The following SCFD1 variants were observed in gnomAD, a reference collection of about 807,000 sequenced individuals.
The protein encoded by SCFD1 is sec1 family domain-containing protein 1.
SCFD1 carries 37 observed loss-of-function variants against 103.2 expected under a neutral mutation model. The observed-to-expected ratio is 0.36, with a 90% confidence interval of 0.28 to 0.47. SCFD1 has a LOEUF of 0.47. Among genes scored for constraint, SCFD1 ranks in the 20% least tolerant of loss-of-function variants. The pLI is 1.00. For missense variants in SCFD1, 639 were observed against 761.2 expected (o/e 0.84, Z 1.89); for synonymous variants, 264 against 245.0 (o/e 1.08, Z -0.73).
chr14:30,643,215 T>C (rs1329153205), intron 6 of SCFD1, 101 bp from the exon 7 acceptor site: 2 of 846,650 alleles, frequency 2.4e-6, no homozygotes, highest in African/African-American at 3.5e-5. Context: ...TGCTGAGTTT[T>C]ATTATATGTC....
chr14:30,669,921 G>GA (rs1276087427), intron 10 of SCFD1: 4 of 180,384 alleles, frequency 2.2e-5, no homozygotes, highest in Non-Finnish European at 4.5e-5. Context: ...ATTATTAGAT[G>GA]AAAAAAGATA....
chr14:30,691,082 G>A (rs1021127392), intron 14 of SCFD1, among the ~76,000 whole-genome samples: 4 of 152,138 alleles, frequency 2.6e-5, no homozygotes, highest in African/African-American at 7.2e-5. Context: ...CCATAAAATC[G>A]TTCTTGAGGG....
At chr14:30,674,183 A>G (rs900708164) in intron 13 of SCFD1, among the ~76,000 whole-genome samples, 186 bp downstream of exon 13, 1 of 152,210 alleles carries the variant, frequency 6.6e-6, no homozygotes, top group African/African-American at 2.4e-5. Context: ...CCTCTTAGAT[A>G]TAGGAGATTA....
intron 14 of SCFD1, among the ~76,000 whole-genome samples, chr14:30,677,987 G>A (rs947344082): frequency 3.3e-5 from 5 of 151,320 alleles, no homozygotes; most frequent in African/African-American, 7.3e-5. Context: ...CTACAGGCAC[G>A]GACCACCATG....
At chr14:30,734,142 G>A (rs1893670475) in intron 23 of SCFD1, among the ~76,000 whole-genome samples, 1 of 152,130 alleles carries the variant, frequency 6.6e-6, no homozygotes, top group African/African-American at 2.4e-5. Flanking sequence ...GTCCTTTGAT[G>A]AATCCTCAAA....
chr14:30,643,551 A>G (rs886960510), intron 7 of SCFD1, 146 bp downstream of exon 7: 2 of 610,276 alleles, frequency 3.3e-6, no homozygotes, highest in Admixed American at 6.1e-5. Context: ...TCAATAGTAT[A>G]TAAAAACAAT....
intron 5 of SCFD1, 40 bp from the exon 6 acceptor site, chr14:30,639,737 A>C: frequency 6.6e-7 from 1 of 1,521,082 alleles, no homozygotes; most frequent in Non-Finnish European, 8.8e-7. Flanking sequence ...ATATGGCTAT[A>C]TTGTAAGATT....
rs375686488 is a variant in SCFD1, at chr14:30,705,839, G to A, written c.1507G>A (p.Ala503Thr). Residue 503 changes from alanine (A) to threonine (T), a missense_variant, in exon 18 of 25, where the codon GCC (alanine) becomes ACC (threonine). By Grantham distance (58) the Ala-to-Thr change is moderately conservative (BLOSUM62 0). Coordinates refer to ENST00000458591, the MANE Select transcript of SCFD1 (RefSeq NM_016106.4). ...IKQWKAFTKM[A>T]SAPASYGSTT... is the part of the protein sequence containing the mutation. ...CTTTCATAGGGCTTTTACCAAGATG[G>A]CCTCAGCTCCGGCCAGCTATGGCAG... The A allele has an allele frequency of 1.2e-6, 2 of 1,613,476 alleles. No homozygotes were observed. The highest frequency in any genetic ancestry group is 1.7e-6 in the Non-Finnish European group (2 of 1,179,608).
chr14:30,724,330 G>A (rs995360975), intron 23 of SCFD1, among the ~76,000 whole-genome samples: 6 of 134,020 alleles, frequency 4.5e-5, no homozygotes, highest in African/African-American at 1.7e-4. Flanking sequence ...TCGGCTCACA[G>A]CGACGTCTGC....
chr14:30,664,940 A>G (rs1230009278), intron 10 of SCFD1, among the ~76,000 whole-genome samples: 2 of 152,212 alleles, frequency 1.3e-5, no homozygotes, highest in East Asian at 1.9e-4. Flanking sequence ...TGAAAGTGAC[A>G]GGGAGAATGG....
At chr14:30,626,438 G>T (rs911830956) in intron 1 of SCFD1, among the ~76,000 whole-genome samples, 3 of 152,234 alleles carry the variant, frequency 2.0e-5, no homozygotes, top group African/African-American at 7.2e-5. Flanking sequence ...TTCCTTGTCT[G>T]TGAGGAACAT....
rs779312305 is a variant in SCFD1 at position 30,734,785 on chromosome 14, T to TA, written c.1837-4dup. ...GTATCTAAGTTCTGACTCTGATTTTTACAGGGGAAACAAGGCAAACACATT... is the reference window on the plus strand; with the variant it reads ...GTATCTAAGTTCTGACTCTGATTTTTAACAGGGGAAACAAGGCAAACACATT... On this transcript the variant is annotated splice_region_variant and splice_polypyrimidine_tract_variant and intron_variant, in intron 23 of 24. Transcript: ENST00000458591. The TA allele has an allele frequency of 1.1e-5, 18 of 1,610,790 alleles. No homozygotes were observed. In the South Asian group the frequency reaches 1.6e-4, roughly 15 times the overall value.
chr14:30,636,841 A>C (rs967692213), intron 4 of SCFD1, among the ~76,000 whole-genome samples: 23 of 152,050 alleles, frequency 1.5e-4, no homozygotes, highest in African/African-American at 5.6e-4. Flanking sequence ...CAATTGTATA[A>C]AAATTCAATT....
At chr14:30,732,368 T>C (rs1451006866) in intron 23 of SCFD1, among the ~76,000 whole-genome samples, 1 of 152,236 alleles carries the variant, frequency 6.6e-6, no homozygotes, top group Non-Finnish European at 1.5e-5. Flanking sequence ...TTTCTCATCA[T>C]ACGGGCAAAG....
In SCFD1 at chr14:30,673,343, T is replaced by G; in HGVS notation, c.1082T>G (p.Ile361Ser). The G allele has an allele frequency of 6.6e-7, 1 of 1,504,794 alleles. No individual in the cohort carries two copies. The highest frequency in any genetic ancestry group is 9.2e-7 in the Non-Finnish European group (1 of 1,088,386). The allele number at this position is 1,504,794 out of a possible 1,614,324, so 93.2% of individuals were successfully genotyped here. ...GATGAGGTCAAACGACTTAAAAGCA[T>G]TATGGTAAGATTCTATTTGCTTTCT... ...QEDEVKRLKSIMGLEGEDEGA... is the reference protein window; with the variant it reads ...QEDEVKRLKSSMGLEGEDEGA... Residue 361 changes from isoleucine to serine, a missense_variant, in exon 12 of 25, where the codon ATT becomes AGT. Ile to Ser is a moderately radical substitution (Grantham distance 142). Coordinates refer to ENST00000458591, the MANE Select transcript of SCFD1 (RefSeq NM_016106.4).
intron 23 of SCFD1, among the ~76,000 whole-genome samples, chr14:30,726,652 T>C (rs1422484235): frequency 2.6e-5 from 4 of 152,208 alleles, no homozygotes; most frequent in African/African-American, 9.6e-5. Flanking sequence ...ACCTTGGCTT[T>C]TAATTGAGGA....
At chr14:30,643,472 A>G (rs1885494225) in intron 7 of SCFD1, 67 bp downstream of exon 7, 3 of 1,087,690 alleles carry the variant, frequency 2.8e-6, no homozygotes, top group Non-Finnish European at 2.8e-6. Context: ...TTAATGTATT[A>G]CACTGTAATG....
chr14:30,720,856 A>C (rs1892606170), intron 21 of SCFD1, among the ~76,000 whole-genome samples: 1 of 152,146 alleles, frequency 6.6e-6, no homozygotes, highest in South Asian at 2.1e-4. Flanking sequence ...ATATCAAGGG[A>C]GACTATACTT....
intron 23 of SCFD1, among the ~76,000 whole-genome samples, chr14:30,724,909 G>A (rs973432829): frequency 6.6e-6 from 1 of 152,118 alleles, no homozygotes; most frequent in African/African-American, 2.4e-5. Context: ...CATATGGCTA[G>A]CCAGTTATCC....
Sources: allele counts gnomAD v4.1 joint callset (sites outside exome capture counted in the v4.1 genomes callset), GRCh38; gene constraint gnomAD v4.1.1; transcripts MANE v1.5; gene names NCBI Gene and HGNC (gene_info 2026-07-23, HGNC 2026-07-21).